The following PDE7B variants were observed in gnomAD, a reference collection of about 807,000 sequenced individuals.
PDE7B encodes the protein 3',5'-cyclic-AMP phosphodiesterase 7B.
In PDE7B, 29 loss-of-function variants were observed where a neutral mutation model predicts 56.2. The observed-to-expected ratio is 0.52, with a 90% CI of 0.38 to 0.70. The LOEUF is 0.70. Ranked by LOEUF, PDE7B falls within the 30% of genes least tolerant of loss-of-function variation. PDE7B has a pLI of 0.00. For missense variants in PDE7B, 490 were observed against 565.0 expected, an observed-to-expected ratio of 0.87 and a Z score of 1.35; for synonymous variants, 197 against 196.9, an observed-to-expected ratio of 1.00 and a Z score of 0.00.
At chr6:136,165,906 A>G (rs553972820) in intron 8 of PDE7B, among the ~76,000 whole-genome samples, 417 of 152,298 alleles carry the variant, frequency 2.7e-3, no homozygotes, top group African/African-American at 8.3e-3. Flanking sequence ...TAAGGAAGAA[A>G]GGAAATCAGA....
intron 3 of PDE7B, among the ~76,000 whole-genome samples, chr6:136,140,524 T>C (rs1778303746): frequency 6.6e-6 from 1 of 152,242 alleles, no homozygotes; most frequent in African/African-American, 2.4e-5. Flanking sequence ...ATTGGTAGCT[T>C]GATGGCAATG....
At chr6:135,988,537 A>C (rs1056409159) in intron 2 of PDE7B, among the ~76,000 whole-genome samples, 1 of 152,202 alleles carries the variant, frequency 6.6e-6, no homozygotes, top group Non-Finnish European at 1.5e-5. Context: ...TGATTTGTAT[A>C]GGTATAGAAG....
chr6:135,954,814 G>C (rs1562451358), intron 2 of PDE7B, among the ~76,000 whole-genome samples: 1 of 152,100 alleles, frequency 6.6e-6, no homozygotes, highest in Non-Finnish European at 1.5e-5. Flanking sequence ...ATATTGCTTT[G>C]TGTAAGAAAA....
intron 2 of PDE7B, among the ~76,000 whole-genome samples, chr6:135,991,216 C>G (rs1487936535): frequency 1.3e-5 from 2 of 152,120 alleles, no homozygotes; most frequent in African/African-American, 2.4e-5. Context: ...AACATCCTAT[C>G]TCATCCTGTA....
chr6:135,884,193 T>G (rs1775661807), intron 1 of PDE7B, among the ~76,000 whole-genome samples: 1 of 152,190 alleles, frequency 6.6e-6, no homozygotes, highest in South Asian at 2.1e-4. Context: ...CTATGTTAGC[T>G]TCATATTTTG....
intron 2 of PDE7B, among the ~76,000 whole-genome samples, chr6:136,080,198 G>A (rs896808293): frequency 1.5e-4 from 23 of 152,216 alleles, no homozygotes; most frequent in African/African-American, 5.5e-4. Context: ...TTCCAAGCTC[G>A]TTCCAATAAT....
chr6:136,056,622 C>T (rs1290076420), intron 2 of PDE7B, among the ~76,000 whole-genome samples: 1 of 145,314 alleles, frequency 6.9e-6, no homozygotes, highest in African/African-American at 2.6e-5. Flanking sequence ...ACCTCCGCCT[C>T]CTGGGTTCAA....
chr6:135,894,945 A>G (rs1775871653), intron 1 of PDE7B, among the ~76,000 whole-genome samples: 1 of 152,152 alleles, frequency 6.6e-6, no homozygotes, highest in Non-Finnish European at 1.5e-5. Flanking sequence ...ATCATATTTC[A>G]ATTTTAAATA....
chr6:135,986,099 C>T (rs1453010217), intron 2 of PDE7B, among the ~76,000 whole-genome samples: 2 of 152,200 alleles, frequency 1.3e-5, no homozygotes, highest in Non-Finnish European at 2.9e-5. Flanking sequence ...TCAGCGTTTG[C>T]TCGTATTCAC....
intron 1 of PDE7B, among the ~76,000 whole-genome samples, chr6:135,945,245 T>C (rs1774575718): frequency 6.6e-6 from 1 of 152,164 alleles, no homozygotes; most frequent in Non-Finnish European, 1.5e-5. Flanking sequence ...GTGGCATACA[T>C]TGGCATCCCC....
chr6:135,957,391 T>G (rs999610744), intron 2 of PDE7B, among the ~76,000 whole-genome samples: 1 of 152,198 alleles, frequency 6.6e-6, no homozygotes, highest in African/African-American at 2.4e-5. Context: ...TCCAGGCCTA[T>G]TCTTTAAAAT....
At position 136,181,126 on chromosome 6, in the gene PDE7B, T is replaced by A. The variant is rs1275586135; in HGVS notation, c.949-101T>A. Reference sequence around the variant, plus strand: ...TACTCTGTAAATATGGGCCTGGTACTGTGAGCAGACTGAACAGCTTGATAG... The same window carrying A: ...TACTCTGTAAATATGGGCCTGGTACAGTGAGCAGACTGAACAGCTTGATAG... On this transcript the variant is annotated intron_variant, in intron 10 of 12. Coordinates refer to ENST00000308191, the MANE Select transcript of PDE7B (RefSeq NM_018945.4). The A allele has an allele frequency of 7.5e-6, 6 of 795,210 alleles. No individual in the cohort carries two copies. In the South Asian group the frequency reaches 8.8e-5, roughly 12 times the overall value. 49.3% of individuals were successfully genotyped at this position (795,210 alleles called of 1,614,324 possible). A position where few individuals can be genotyped will look rare whatever the true frequency, so the allele number is the denominator to read the frequency against.
chr6:135,950,156 G>T (rs1391647780), intron 2 of PDE7B, among the ~76,000 whole-genome samples: 1 of 152,010 alleles, frequency 6.6e-6, no homozygotes, highest in Non-Finnish European at 1.5e-5. Context: ...AAGTTTAATG[G>T]TTTATTCACT....
At chr6:136,138,542 C>T (rs552955493) in intron 3 of PDE7B, among the ~76,000 whole-genome samples, 6 of 149,470 alleles carry the variant, frequency 4.0e-5, no homozygotes, top group African/African-American at 1.4e-4. Flanking sequence ...GCACGTTCTT[C>T]CCCTTTAGAA....
chr6:136,003,787 G>T (rs1034889978), intron 2 of PDE7B, among the ~76,000 whole-genome samples: 1 of 152,258 alleles, frequency 6.6e-6, no homozygotes, highest in Middle Eastern at 3.4e-3. Flanking sequence ...GGAGGAACTG[G>T]TACCATTCCT....
At chr6:136,092,202 T>C (rs77601578) in intron 2 of PDE7B, among the ~76,000 whole-genome samples, 1 of 152,336 alleles carries the variant, frequency 6.6e-6, no homozygotes, top group East Asian at 1.9e-4. Context: ...ATCTCCAAAA[T>C]AATTTTTCAG....
At chr6:135,932,519 T>C (rs1171535996) in intron 1 of PDE7B, among the ~76,000 whole-genome samples, 2 of 152,056 alleles carry the variant, frequency 1.3e-5, no homozygotes, top group African/African-American at 4.8e-5. Flanking sequence ...AATCTGAACA[T>C]ATGGAGAAGG....
chr6:136,009,139 G>C (rs905305584), intron 2 of PDE7B, among the ~76,000 whole-genome samples: 1 of 151,890 alleles, frequency 6.6e-6, no homozygotes, highest in East Asian at 1.9e-4. Flanking sequence ...AAGATCAGAT[G>C]GTTGTAGATA....
At chr6:135,893,776 T>C (rs912709293) in intron 1 of PDE7B, among the ~76,000 whole-genome samples, 6 of 152,192 alleles carry the variant, frequency 3.9e-5, no homozygotes, top group Non-Finnish European at 8.8e-5. Flanking sequence ...ACTCTCTGAA[T>C]TGATAATCAC....
Sources: allele counts gnomAD v4.1 joint callset (sites outside exome capture counted in the v4.1 genomes callset), GRCh38; gene constraint gnomAD v4.1.1; transcripts MANE v1.5; gene names NCBI Gene and HGNC (gene_info 2026-07-23, HGNC 2026-07-21).